Variants in NCOA1 observed in about 807,000 individuals in gnomAD.
NCOA1 encodes nuclear receptor coactivator 1.
NCOA1 carries 35 observed loss-of-function variants against 150.9 expected under a neutral mutation model. The ratio of observed to expected loss-of-function variants is 0.23; its 90% CI spans 0.18 to 0.31. NCOA1 has a LOEUF of 0.31. Ranked by LOEUF, NCOA1 falls within the 10% of genes least tolerant of loss-of-function variation. The pLI is 1.00. For missense variants in NCOA1, 1,491 were observed against 1,749.3 expected (o/e 0.85, Z 2.63); for synonymous variants, 590 against 630.0 (o/e 0.94, Z 0.95).
At chr2:24,602,780 G>A (rs575879471) in intron 3 of NCOA1, among the ~76,000 whole-genome samples, 1 of 152,040 alleles carries the variant, frequency 6.6e-6, no homozygotes, top group African/African-American at 2.4e-5. Flanking sequence ...GTATGTTAAT[G>A]TGAACTAAGC....
chr2:24,557,143 A>C (rs1369113718), intron 1 of NCOA1, among the ~76,000 whole-genome samples: 1 of 115,360 alleles, frequency 8.7e-6, no homozygotes, highest in African/African-American at 2.9e-5. Flanking sequence ...GACTTTGCTA[A>C]ATGTTTTCAT....
intron 1 of NCOA1, among the ~76,000 whole-genome samples, chr2:24,497,329 C>G (rs1022070433): frequency 4.6e-5 from 7 of 151,794 alleles, no homozygotes; most frequent in Non-Finnish European, 8.8e-5. Flanking sequence ...AGTCTTGTTC[C>G]TTTCTGATGA....
chr2:24,596,989 C>G (rs1488316758), intron 3 of NCOA1, among the ~76,000 whole-genome samples: 1 of 152,096 alleles, frequency 6.6e-6, no homozygotes, highest in East Asian at 1.9e-4. Flanking sequence ...AAGAAATCAT[C>G]CAAAAGGAAT....
intron 1 of NCOA1, among the ~76,000 whole-genome samples, chr2:24,515,087 A>C (rs79946937): frequency 0.04 from 6,056 of 152,318 alleles, 144 homozygotes; most frequent in East Asian, 0.11. Context: ...TAGCATTGAG[A>C]AAGAACTTAT....
chr2:24,551,293 G>T (rs1665820760), intron 1 of NCOA1, among the ~76,000 whole-genome samples: 3 of 152,018 alleles, frequency 2.0e-5, no homozygotes, highest in Admixed American at 1.3e-4. Flanking sequence ...CAAATATTCT[G>T]CCCATTATTT....
chr2:24,613,740 G>A (rs1038528870), intron 3 of NCOA1, among the ~76,000 whole-genome samples: 2 of 152,122 alleles, frequency 1.3e-5, no homozygotes, highest in Admixed American at 1.3e-4. Flanking sequence ...CCCGGGAATG[G>A]GGCAGAGAGT....
At chr2:24,505,237 A>C (rs1040511273) in intron 1 of NCOA1, among the ~76,000 whole-genome samples, 1 of 143,972 alleles carries the variant, frequency 6.9e-6, no homozygotes, top group Admixed American at 7.1e-5. Context: ...CTGAGGCTGG[A>C]GTGCAATGGG....
intron 20 of NCOA1, among the ~76,000 whole-genome samples, chr2:24,756,680 A>G (rs1197773063): frequency 6.6e-6 from 1 of 152,214 alleles, no homozygotes; most frequent in Non-Finnish European, 1.5e-5. Flanking sequence ...ATAGTCATAA[A>G]ATATTTGATG....
intron 1 of NCOA1, among the ~76,000 whole-genome samples, chr2:24,549,702 G>A (rs1474704788): frequency 6.6e-6 from 1 of 152,118 alleles, no homozygotes; most frequent in Non-Finnish European, 1.5e-5. Context: ...GAGTAGCTGG[G>A]ACTACAGGTG....
intron 22 of NCOA1, chr2:24,767,824 A>G (rs992805005): frequency 2.5e-6 from 1 of 395,436 alleles, no homozygotes; most frequent in African/African-American, 2.0e-5. Context: ...AAGATTTTTT[A>G]TCCTACTGAA....
At chr2:24,718,668 C>T (rs1674181375) in intron 14 of NCOA1, among the ~76,000 whole-genome samples, 1 of 146,108 alleles carries the variant, frequency 6.8e-6, no homozygotes, top group South Asian at 2.2e-4. Context: ...TCCATCTCTA[C>T]TAAAAAAAAA....
rs374354379 is a variant in NCOA1 at position 24,732,407 on chromosome 2, T to C, written c.3201+2592T>C. 1.4e-3 allele frequency among the ~76,000 whole-genome samples: 217 copies of C among 152,326 alleles called. 1 individual carries two copies. The highest frequency in any genetic ancestry group is 4.8e-3 in the African/African-American group (201 of 41,564). ...CAACTTCTACTGCAAACTAAGACAG[T>C]AACTCTGCTACCTAACGAGCCACAT... is the stretch of plus-strand genomic sequence containing the variant. On this transcript the variant is annotated intron_variant, in intron 17 of 22. Coordinates refer to ENST00000348332, the MANE Select transcript of NCOA1 (RefSeq NM_003743.5).
At chr2:24,768,185 C>A in intron 22 of NCOA1, 36 bp from the exon 23 acceptor site, 1 of 1,613,150 alleles carries the variant, frequency 6.2e-7, no homozygotes, top group South Asian at 1.1e-5. Context: ...GGGGGCAGAC[C>A]CTTCTGTCTA....
At chr2:24,529,147 A>G (rs1222583825) in intron 1 of NCOA1, among the ~76,000 whole-genome samples, 1 of 152,160 alleles carries the variant, frequency 6.6e-6, no homozygotes, top group African/African-American at 2.4e-5. Context: ...CGGCCTCCCA[A>G]AGTGTTGGGA....
At chr2:24,677,519 G>A (rs1054624379) in intron 7 of NCOA1, among the ~76,000 whole-genome samples, 3 of 152,096 alleles carry the variant, frequency 2.0e-5, no homozygotes, top group Admixed American at 2.0e-4. Context: ...CACCTCTTGG[G>A]TTTAAGCAAT....
chr2:24,506,648 C>G (rs534531080), intron 1 of NCOA1, among the ~76,000 whole-genome samples: 1 of 152,150 alleles, frequency 6.6e-6, no homozygotes, highest in Admixed American at 6.5e-5. Flanking sequence ...GAATACTCAC[C>G]TGATTGCATT....
chr2:24,688,437 T>C (rs1251648310), intron 8 of NCOA1, among the ~76,000 whole-genome samples: 2 of 152,226 alleles, frequency 1.3e-5, no homozygotes, highest in Non-Finnish European at 2.9e-5. Context: ...GTTTTAATGA[T>C]AGCTATTCTG....
rs577542536 is a variant in NCOA1, at chr2:24,769,897, T to G, written c.*1506T>G. 5.3e-5 allele frequency: 12 copies of G among 226,116 alleles called. No individual in the cohort carries two copies. In the South Asian group the frequency reaches 2.0e-3, roughly 38 times the overall value. The allele number at this position is 226,116 out of a possible 1,614,324, so 14.0% of individuals were successfully genotyped here. A position where few individuals can be genotyped will look rare whatever the true frequency, so the allele number is the denominator to read the frequency against. On this transcript the variant is annotated 3_prime_UTR_variant, in exon 23 of 23. Coordinates refer to ENST00000348332, the MANE Select transcript of NCOA1 (RefSeq NM_003743.5). Reference sequence around the variant, plus strand: ...TGAATGATGACAGCACCTGACATTCTGCACCAGCTACCTCTGCCTCCATGG... The same window carrying G: ...TGAATGATGACAGCACCTGACATTCGGCACCAGCTACCTCTGCCTCCATGG...
intron 17 of NCOA1, among the ~76,000 whole-genome samples, chr2:24,733,923 G>A (rs1572658015): frequency 1.3e-5 from 2 of 152,066 alleles, no homozygotes; most frequent in South Asian, 2.1e-4. Flanking sequence ...GGTGGCTCAC[G>A]CCTGTAACCC....
Sources: allele counts gnomAD v4.1 joint callset (sites outside exome capture counted in the v4.1 genomes callset), GRCh38; gene constraint gnomAD v4.1.1; transcripts MANE v1.5; gene names NCBI Gene and HGNC (gene_info 2026-07-23, HGNC 2026-07-21).